Variants in PXDNL observed in about 807,000 individuals in gnomAD.
PXDNL encodes the protein probable oxidoreductase PXDNL.
Under a neutral mutation model 150.8 loss-of-function variants are expected in PXDNL, and 145 were observed. The ratio of observed to expected loss-of-function variants is 0.96; its 90% CI spans 0.84 to 1.10. The LOEUF (loss-of-function observed/expected upper bound fraction) is 1.10. Among genes scored for constraint, PXDNL ranks in the 50% least tolerant of loss-of-function variants. The pLI, the probability that PXDNL is intolerant of heterozygous loss-of-function variation, is 0.00. For missense variants in PXDNL, 2,087 were observed against 1,873.9 expected, an observed-to-expected ratio of 1.11 and a Z score of -2.10; for synonymous variants, 757 against 725.7, an observed-to-expected ratio of 1.04 and a Z score of -0.69.
chr8:51,716,897 T>A (rs1816625520), intron 1 of PXDNL, among the ~76,000 whole-genome samples: 1 of 152,200 alleles, frequency 6.6e-6, no homozygotes, highest in Non-Finnish European at 1.5e-5. Context: ...ACCCTAAGAT[T>A]TGTAAATCCA....
At chr8:51,640,858 A>C (rs937522371) in intron 2 of PXDNL, among the ~76,000 whole-genome samples, 3 of 151,724 alleles carry the variant, frequency 2.0e-5, no homozygotes, top group African/African-American at 7.3e-5. Context: ...AAACTACTTT[A>C]AAGTTCATAT....
chr8:51,557,660 C>T (rs1399915735), intron 3 of PXDNL, among the ~76,000 whole-genome samples: 1 of 152,108 alleles, frequency 6.6e-6, no homozygotes, highest in East Asian at 1.9e-4. Context: ...TGCATATTGT[C>T]AGTGCATCAG....
chr8:51,723,196 T>C (rs913602178), intron 1 of PXDNL, among the ~76,000 whole-genome samples: 7 of 104,044 alleles, frequency 6.7e-5, no homozygotes, highest in African/African-American at 2.4e-4. Flanking sequence ...CCCTTCTGGA[T>C]AGTATTCAGA....
intron 4 of PXDNL, among the ~76,000 whole-genome samples, chr8:51,534,315 C>A (rs1481000188): frequency 6.8e-6 from 1 of 146,264 alleles, no homozygotes; most frequent in Non-Finnish European, 1.5e-5. Flanking sequence ...AAGTGAGGAG[C>A]GTCTACGCCC....
chr8:51,524,969 C>T (rs1156853605), intron 4 of PXDNL, among the ~76,000 whole-genome samples: 9 of 152,236 alleles, frequency 5.9e-5, no homozygotes, highest in African/African-American at 1.7e-4. Context: ...CATACACCCT[C>T]GCCTTGCTGG....
intron 20 of PXDNL, among the ~76,000 whole-genome samples, chr8:51,343,153 T>C (rs1222456561): frequency 6.6e-6 from 1 of 152,168 alleles, no homozygotes; most frequent in Non-Finnish European, 1.5e-5. Flanking sequence ...GGATACTGTA[T>C]TGAAAGCTAG....
chr8:51,662,651 G>T (rs1398056507), intron 1 of PXDNL, among the ~76,000 whole-genome samples: 3 of 152,114 alleles, frequency 2.0e-5, no homozygotes, highest in Non-Finnish European at 4.4e-5. Context: ...AAGTATGGGG[G>T]AGAATGTACA....
chr8:51,559,197 C>A (rs1326642705), intron 3 of PXDNL, among the ~76,000 whole-genome samples: 1 of 151,802 alleles, frequency 6.6e-6, no homozygotes, highest in Non-Finnish European at 1.5e-5. Context: ...TTAAGGAGAA[C>A]TATAATCTTC....
In PXDNL at chr8:51,390,948, A is replaced by G. The variant is rs763200150; in HGVS notation, c.3558-16217T>C. 1.2e-3 allele frequency among the ~76,000 whole-genome samples: 188 copies of G among 151,068 alleles called. 2 individuals carry two copies. The highest frequency in any genetic ancestry group is 2.0e-3 in the Non-Finnish European group (139 of 67,828). ...GTGTGATGTTCCCCTTCCTGTGTCC[A>G]TGTGTTCTCACTGTTCAATTCCCAC... On this transcript the variant is annotated intron_variant, in intron 17 of 22. Transcript: ENST00000356297.
At chr8:51,595,800 G>A (rs1042418915) in intron 2 of PXDNL, among the ~76,000 whole-genome samples, 16 of 149,438 alleles carry the variant, frequency 1.1e-4, no homozygotes, top group African/African-American at 1.3e-4. Context: ...CATAAACAAC[G>A]CATAAATCAT....
intron 20 of PXDNL, among the ~76,000 whole-genome samples, chr8:51,345,403 T>C (rs1388071662): frequency 6.6e-6 from 1 of 152,212 alleles, no homozygotes; most frequent in African/African-American, 2.4e-5. Flanking sequence ...ATATTCCATC[T>C]TGGTCACAAA....
intron 4 of PXDNL, among the ~76,000 whole-genome samples, chr8:51,512,788 G>A (rs997474904): frequency 6.6e-6 from 1 of 152,154 alleles, no homozygotes; most frequent in Non-Finnish European, 1.5e-5. Flanking sequence ...CGTGACTCTT[G>A]ATCTCAATTC....
In PXDNL at chr8:51,474,732, C is replaced by T. The variant is rs147303401; in HGVS notation, c.694+240G>A. 9.9e-5 allele frequency among the ~76,000 whole-genome samples: 15 copies of T among 152,240 alleles called. No homozygotes were observed. The East Asian group carries it at 1.9e-3, about 20-fold the overall frequency. ...TCTCAATATTTCTCCTCTGAAATTA[C>T]GGAAATTAGATTAAATCTTCCTCAA... On this transcript the variant is annotated intron_variant, in intron 7 of 22. Coordinates refer to ENST00000356297, the MANE Select transcript of PXDNL (RefSeq NM_144651.5).
chr8:51,716,408 C>A (rs577126128), intron 1 of PXDNL, among the ~76,000 whole-genome samples: 1 of 151,510 alleles, frequency 6.6e-6, no homozygotes, highest in Non-Finnish European at 1.5e-5. Context: ...CTTGCTGATT[C>A]CATGGAATGA....
chr8:51,486,408 T>G lies in PXDNL; in HGVS notation c.453-2694A>C, dbSNP rs145155675. Among the ~76,000 whole-genome samples the G allele has an allele frequency of 3.4e-4, 52 of 152,194 alleles. 1 individual carries two copies. Among genetic ancestry groups the G allele is most frequent in the African/African-American group, 1.2e-3 (49 of 41,540 alleles). On this transcript the variant is annotated intron_variant, in intron 5 of 22. Coordinates refer to ENST00000356297, the MANE Select transcript of PXDNL (RefSeq NM_144651.5). ...TCAGATATTACTGCTACTTGATATT[T>G]CTATAACAACTTGCTTTCAAGCAGA...
chr8:51,564,600 G>A (rs539772558), intron 3 of PXDNL, among the ~76,000 whole-genome samples: 3 of 151,426 alleles, frequency 2.0e-5, no homozygotes, highest in Non-Finnish European at 3.0e-5. Context: ...AGCATTTCAT[G>A]AGTCCACCGA....
At chr8:51,670,435 T>G (rs1280130854) in intron 1 of PXDNL, among the ~76,000 whole-genome samples, 3 of 152,166 alleles carry the variant, frequency 2.0e-5, no homozygotes, top group Admixed American at 1.3e-4. Flanking sequence ...AACTATATAG[T>G]GTATAGGGTG....
In PXDNL at chr8:51,413,158, C is replaced by T. The variant is rs1251412530; in HGVS notation, c.1896G>A (p.Leu632=). 10 of 1,579,726 alleles carry T rather than the reference C, an allele frequency of 6.3e-6. No individual in the cohort carries two copies. The highest frequency in any genetic ancestry group is 4.0e-5 in the African/African-American group (3 of 74,170). The part of the protein sequence containing the change: ...DSAINSTRRH[L]FSQKPHTSSD... Reference sequence around the variant, plus strand: ...GTAAAATAAATTCTTACTGTGAAAACAAATGTCTTCGTGTGGAGTTAATTG... The same window carrying T: ...GTAAAATAAATTCTTACTGTGAAAATAAATGTCTTCGTGTGGAGTTAATTG... Residue 632 remains leucine (L), a synonymous_variant, in exon 15 of 23, where the codon TTG becomes TTA. Coordinates refer to ENST00000356297, the MANE Select transcript of PXDNL (RefSeq NM_144651.5).
chr8:51,472,438 G>A, intron 7 of PXDNL, 134 bp from the exon 8 acceptor site: 1 of 600,604 alleles, frequency 1.7e-6, no homozygotes, highest in Admixed American at 2.9e-5. Context: ...CATTTACCCG[G>A]TAATACATGT....
Sources: allele counts gnomAD v4.1 joint callset (sites outside exome capture counted in the v4.1 genomes callset), GRCh38; gene constraint gnomAD v4.1.1; transcripts MANE v1.5; gene names NCBI Gene and HGNC (gene_info 2026-07-23, HGNC 2026-07-21).